The following ARHGAP10 variants were observed in gnomAD, a reference collection of about 807,000 sequenced individuals.
ARHGAP10 encodes Rho GTPase activating protein 10, also known as rho GTPase-activating protein 10.
In ARHGAP10, 87 loss-of-function variants were observed where a neutral mutation model predicts 108.6. The ratio of observed to expected loss-of-function variants is 0.80; its 90% CI spans 0.67 to 0.96. ARHGAP10 has a LOEUF of 0.96. ARHGAP10 is among the 40% of genes least tolerant of loss of function. ARHGAP10 has a pLI of 0.00. For missense variants in ARHGAP10, 939 were observed against 954.5 expected (o/e 0.98, Z 0.21); for synonymous variants, 347 against 341.1 (o/e 1.02, Z -0.19).
At position 147,802,679 on chromosome 4, in the gene ARHGAP10, C is replaced by A. The variant is rs745512063; in HGVS notation, c.155-20048C>A. Among the ~76,000 whole-genome samples the A allele has an allele frequency of 5.3e-5, 8 of 152,240 alleles. 1 individual carries two copies. Among genetic ancestry groups the A allele is most frequent in the African/African-American group, 1.4e-4 (6 of 41,472 alleles). On this transcript the variant is annotated intron_variant, in intron 1 of 22. Coordinates refer to ENST00000336498, the MANE Select transcript of ARHGAP10 (RefSeq NM_024605.4). ...TCTGCCTCCCTGTAACTTCTACTTA[C>A]ACTGGTTTTTTGTTGGGTCTCTAGG...
chr4:148,012,910 T>C (rs1352901544), intron 18 of ARHGAP10, among the ~76,000 whole-genome samples: 1 of 149,920 alleles, frequency 6.7e-6, no homozygotes, highest in African/African-American at 2.5e-5. Context: ...TAGGGGATGG[T>C]GGGTATCTGT....
chr4:147,980,586 T>G (rs996191612), intron 18 of ARHGAP10, among the ~76,000 whole-genome samples: 1 of 152,216 alleles, frequency 6.6e-6, no homozygotes, highest in Admixed American at 6.5e-5. Flanking sequence ...CCTCTATTTT[T>G]TGGAATTGTT....
At chr4:147,908,285 G>A (rs1736583852) in intron 11 of ARHGAP10, among the ~76,000 whole-genome samples, 1 of 152,236 alleles carries the variant, frequency 6.6e-6, no homozygotes, top group Non-Finnish European at 1.5e-5. Flanking sequence ...GGAATGTATC[G>A]CCCCAGAGAT....
chr4:147,982,252 C>T (rs1171274089), intron 18 of ARHGAP10, among the ~76,000 whole-genome samples: 4 of 151,970 alleles, frequency 2.6e-5, no homozygotes, highest in Admixed American at 6.6e-5. Flanking sequence ...TTTTCTGTAG[C>T]TACCTTTAAG....
intron 4 of ARHGAP10, among the ~76,000 whole-genome samples, chr4:147,857,230 C>A (rs982488953): frequency 6.6e-6 from 1 of 152,056 alleles, no homozygotes; most frequent in Non-Finnish European, 1.5e-5. Context: ...ATTTTTCTTA[C>A]GTATTTTGTT....
At chr4:147,751,883 G>GTTTT (rs371998598) in intron 1 of ARHGAP10, among the ~76,000 whole-genome samples, 5 of 126,294 alleles carry the variant, frequency 4.0e-5, no homozygotes, top group African/African-American at 5.8e-5. Context: ...GAAGCCTTTA[G>GTTTT]TTTTTTTTTT....
chr4:147,807,926 TA>T (rs1731855168), intron 1 of ARHGAP10, among the ~76,000 whole-genome samples: 3 of 152,180 alleles, frequency 2.0e-5, no homozygotes, highest in Non-Finnish European at 4.4e-5. Context: ...TATGGGTGTA[TA>T]GGGGAAGAGA....
At chr4:147,736,665 G>T (rs910870444) in intron 1 of ARHGAP10, among the ~76,000 whole-genome samples, 1 of 152,178 alleles carries the variant, frequency 6.6e-6, no homozygotes, top group Admixed American at 6.5e-5. Flanking sequence ...ATGACTCAGG[G>T]GAAGGCATTT....
chr4:147,932,942 A>G (rs1737762411), intron 13 of ARHGAP10, among the ~76,000 whole-genome samples: 1 of 152,246 alleles, frequency 6.6e-6, no homozygotes, highest in Non-Finnish European at 1.5e-5. Context: ...CTGAGTGGAA[A>G]AAATACTTAA....
In ARHGAP10 at chr4:148,023,248, A is replaced by G; in HGVS notation, c.1717-15A>G. 3 of 1,613,714 alleles carry G rather than the reference A, an allele frequency of 1.9e-6. No individual in the cohort carries two copies. The highest frequency in any genetic ancestry group is 2.5e-6 in the Non-Finnish European group (3 of 1,179,748). ...TCATGGTAAATAATTCCTGTCCTTTATGCTTTGTTGGAAGATTTTTCGGAC... is the reference window on the plus strand; with the variant it reads ...TCATGGTAAATAATTCCTGTCCTTTGTGCTTTGTTGGAAGATTTTTCGGAC... On this transcript the variant is annotated splice_polypyrimidine_tract_variant and intron_variant, in intron 18 of 22. Transcript: ENST00000336498.
intron 20 of ARHGAP10, among the ~76,000 whole-genome samples, chr4:148,058,044 C>T (rs948803919): frequency 2.0e-5 from 3 of 152,312 alleles, no homozygotes; most frequent in East Asian, 3.9e-4. Flanking sequence ...AATGTGCTTG[C>T]GTGTGGAGTT....
chr4:147,786,541 G>T (rs560126887), intron 1 of ARHGAP10, among the ~76,000 whole-genome samples: 2 of 152,272 alleles, frequency 1.3e-5, no homozygotes, highest in South Asian at 4.1e-4. Flanking sequence ...GGAGCAAAAG[G>T]GGGGAAAATT....
intron 19 of ARHGAP10, among the ~76,000 whole-genome samples, chr4:148,041,842 TAAAACAAC>T (rs1177581449): frequency 6.6e-6 from 1 of 152,234 alleles, no homozygotes; most frequent in African/African-American, 2.4e-5. Flanking sequence ...GTGTTGTATT[TAAAACAAC>T]AAAACAACAA....
intron 20 of ARHGAP10, among the ~76,000 whole-genome samples, chr4:148,057,269 A>G (rs1729405818): frequency 6.6e-6 from 1 of 152,228 alleles, no homozygotes; most frequent in South Asian, 2.1e-4. Context: ...TGTAATTTGC[A>G]TGCGTACAAT....
At chr4:147,969,381 C>G (rs1335131785) in intron 18 of ARHGAP10, among the ~76,000 whole-genome samples, 1 of 117,876 alleles carries the variant, frequency 8.5e-6, no homozygotes, top group Admixed American at 1.0e-4. Flanking sequence ...CTTTTATGAT[C>G]CTGTCAAACT....
At chr4:147,856,525 T>C (rs912771602) in intron 4 of ARHGAP10, among the ~76,000 whole-genome samples, 8 of 152,220 alleles carry the variant, frequency 5.3e-5, no homozygotes, top group African/African-American at 1.7e-4. Flanking sequence ...TGCTCTCTGA[T>C]GGTTCAGTGT....
At chr4:147,942,346 C>T (rs913089570) in intron 14 of ARHGAP10, among the ~76,000 whole-genome samples, 3 of 152,050 alleles carry the variant, frequency 2.0e-5, no homozygotes, top group Non-Finnish European at 2.9e-5. Context: ...TTCTTGAGAG[C>T]TAATTATTTA....
chr4:148,064,528 C>G, intron 22 of ARHGAP10, 21 bp downstream of exon 22: 1 of 1,599,750 alleles, frequency 6.3e-7, no homozygotes, highest in South Asian at 1.1e-5. Flanking sequence ...GTGGGAGCTT[C>G]GTCTGTTAAT....
intron 20 of ARHGAP10, among the ~76,000 whole-genome samples, chr4:148,058,752 G>C (rs1052802108): frequency 2.0e-5 from 3 of 152,214 alleles, no homozygotes; most frequent in African/African-American, 7.2e-5. Context: ...ACTTTGTAAA[G>C]TAACCACATA....
Sources: allele counts gnomAD v4.1 joint callset (sites outside exome capture counted in the v4.1 genomes callset), GRCh38; gene constraint gnomAD v4.1.1; transcripts MANE v1.5; gene names NCBI Gene and HGNC (gene_info 2026-07-23, HGNC 2026-07-21).